The following TCIRG1 variants were observed in gnomAD, a reference collection of about 807,000 sequenced individuals.
TCIRG1 encodes the protein V-type proton ATPase 116 kDa subunit a 3.
Under a neutral mutation model 95.5 loss-of-function variants are expected in TCIRG1, and 86 were observed. That is an observed-to-expected ratio of 0.90 (90% confidence interval 0.76 to 1.08). The LOEUF (loss-of-function observed/expected upper bound fraction) is 1.08. TCIRG1 is among the 50% of genes least tolerant of loss of function. The pLI, the probability that TCIRG1 is intolerant of heterozygous loss-of-function variation, is 0.00. For synonymous variants in TCIRG1, 499 were observed against 501.3 expected (o/e 1.00, Z 0.06); for missense variants, 1,069 against 1,140.2 (o/e 0.94, Z 0.90).
At position 68,042,862 on chromosome 11, in the gene TCIRG1, A is replaced by G. The variant is rs1855241423; in HGVS notation, c.416A>G (p.Gln139Arg). 2 of 1,549,640 alleles carry G rather than the reference A, an allele frequency of 1.3e-6. No individual in the cohort carries two copies. Among genetic ancestry groups the G allele is most frequent in the Non-Finnish European group, 8.7e-7 (1 of 1,146,508 alleles). Residue 139 changes from glutamine (Q) to arginine (R), a missense_variant and splice_region_variant, in exon 4 of 20, where the codon CAG (glutamine) becomes CGG (arginine). Physicochemically the swap from Gln to Arg is conservative, Grantham distance 43 (BLOSUM62 1). Coordinates refer to ENST00000265686, the MANE Select transcript of TCIRG1 (RefSeq NM_006019.4). ...AAVLRQGHEPQLAAAHTDGAS... is the reference protein window; with the variant it reads ...AAVLRQGHEPRLAAAHTDGAS... ...GTGCTACGCCAGGGCCATGAACCTC[A>G]GGTCAGCTCCCACCCAGGCAGGAGA...
intron 10 of TCIRG1, among the ~76,000 whole-genome samples, chr11:68,045,888 G>A (rs551955501): frequency 2.6e-5 from 4 of 152,244 alleles, no homozygotes; most frequent in South Asian, 2.1e-4. Flanking sequence ...GTCCCCTCCC[G>A]ACATGGGCTC....
rs1439022240 is a variant in TCIRG1 at position 68,044,390 on chromosome 11, C to T, written c.1020+46C>T. The T allele has an allele frequency of 2.0e-6, 3 of 1,464,524 alleles. No homozygotes were observed. In the East Asian group the frequency reaches 7.3e-5, roughly 36 times the overall value. 90.7% of individuals were successfully genotyped at this position (1,464,524 alleles called of 1,614,324 possible). On this transcript the variant is annotated intron_variant, in intron 9 of 19. Transcript: ENST00000265686. ...CCCCCTCTCCGCCCGCCCCTCCTAC[C>T]AGGCCGGGGCGTTTCTGCCTCACTT...
chr11:68,052,641 G>A (rs912255702), downstream of TCIRG1, among the ~76,000 whole-genome samples: 7 of 152,308 alleles, frequency 4.6e-5, no homozygotes, highest in Non-Finnish European at 7.4e-5. Flanking sequence ...TCGCTTCTGG[G>A]CTAGAAGCAG....
At position 68,050,785 on chromosome 11, in the gene TCIRG1, T is replaced by C. The variant is rs746896827; in HGVS notation, c.2459T>C (p.Leu820Pro). ...NKFYSGTGYK[L>P]SPFTFAATDD Reference sequence around the variant, plus strand: ...TTCTACTCAGGCACGGGCTACAAGCTGAGTCCCTTCACCTTCGCTGCCACA... The same window carrying C: ...TTCTACTCAGGCACGGGCTACAAGCCGAGTCCCTTCACCTTCGCTGCCACA... The change falls in exon 20 of 20, where the codon CTG (leucine) becomes CCG (proline). Residue 820 changes from leucine (L) to proline (P), a missense_variant. Leu to Pro is a moderately conservative substitution (Grantham distance 98, BLOSUM62 -3). Coordinates refer to ENST00000265686, the MANE Select transcript of TCIRG1 (RefSeq NM_006019.4). 4 of 1,613,878 alleles carry C rather than the reference T, an allele frequency of 2.5e-6. No homozygotes were observed. Among genetic ancestry groups the C allele is most frequent in the Non-Finnish European group, 3.4e-6 (4 of 1,180,026 alleles).
chr11:68,043,759 C>CA, intron 7 of TCIRG1, 55 bp from the exon 8 acceptor site: 1 of 1,542,774 alleles, frequency 6.5e-7, no homozygotes, highest in East Asian at 2.4e-5. Flanking sequence ...CCTTCAGACT[C>CA]AGAGTCTCGT....
At chr11:68,047,832 G>C (rs1855584664) in intron 12 of TCIRG1, 28 bp downstream of exon 12, 1 of 1,612,346 alleles carries the variant, frequency 6.2e-7, no homozygotes, top group Admixed American at 1.7e-5. Flanking sequence ...GCCCGGCTGG[G>C]GGCCCCGCAG....
chr11:68,050,379 G>A, intron 18 of TCIRG1, 108 bp from the exon 19 acceptor site: 1 of 1,605,638 alleles, frequency 6.2e-7, no homozygotes, highest in Non-Finnish European at 8.5e-7. Flanking sequence ...GTCCAAGGAG[G>A]TCCCTCGCTG....
intron 9 of TCIRG1, 175 bp from the exon 10 acceptor site, chr11:68,044,783 C>T: frequency 1.3e-6 from 1 of 789,668 alleles, no homozygotes; most frequent in South Asian, 1.7e-5. Flanking sequence ...CATGTGGTGT[C>T]TTTGGGCCCC....
chr11:68,043,524 G>A (rs776474191), intron 6 of TCIRG1, 27 bp downstream of exon 6: 1 of 1,584,988 alleles, frequency 6.3e-7, no homozygotes, highest in Non-Finnish European at 8.6e-7. Context: ...GGGCTGGGGG[G>A]TCCTGGGCAG....
Position 68,050,847 on chromosome 11 carries a change from CTTCCTGACCTCT to C in TCIRG1, c.*29_*40del. On this transcript the variant is annotated 3_prime_UTR_variant, in exon 20 of 20. Coordinates refer to ENST00000265686, the MANE Select transcript of TCIRG1 (RefSeq NM_006019.4). ...CCCACTGCAGGTCCTGCCAGACCTC[CTTCCTGACCTCT>C]GAGGCAGGAGAGGAATAAAGACGGT... The C allele has an allele frequency of 6.2e-7, 1 of 1,608,910 alleles. No individual in the cohort carries two copies. Among genetic ancestry groups the C allele is most frequent in the South Asian group, 1.1e-5 (1 of 91,020 alleles).
downstream of TCIRG1, among the ~76,000 whole-genome samples, chr11:68,051,297 C>T (rs148786937): frequency 8.4e-3 from 1,285 of 152,296 alleles, 8 homozygotes; most frequent in Non-Finnish European, 0.014. Context: ...TGGTGTCACA[C>T]GCCCAAGGCC....
intron 12 of TCIRG1, 35 bp downstream of exon 12, chr11:68,047,839 G>A (rs762991349): frequency 2.0e-5 from 32 of 1,612,516 alleles, no homozygotes; most frequent in African/African-American, 1.9e-4. Flanking sequence ...TGGGGGCCCC[G>A]CAGCACCCGC....
chr11:68,047,713 G>A lies in TCIRG1; in HGVS notation c.1372G>A (p.Gly458Ser), dbSNP rs200851583. 6 of 1,613,416 alleles carry A rather than the reference G, an allele frequency of 3.7e-6. No individual in the cohort carries two copies. Among genetic ancestry groups the A allele is most frequent in the African/African-American group, 1.3e-5 (1 of 75,032 alleles). The stretch of plus-strand genomic sequence containing the variant: ...TATGGGCCTGTTCTCCATCTACACC[G>A]GCTTCATCTACAACGAGTGCTTCAG... ...LLMGLFSIYT[G>S]FIYNECFSRA... Residue 458 changes from glycine (G) to serine (S), a missense_variant, in exon 12 of 20, where the codon GGC becomes AGC. Gly to Ser is a moderately conservative substitution (Grantham distance 56). Coordinates refer to ENST00000265686, the MANE Select transcript of TCIRG1 (RefSeq NM_006019.4).
intron 1 of TCIRG1, among the ~76,000 whole-genome samples, chr11:68,040,649 G>A (rs79557925): frequency 0.18 from 27,649 of 152,164 alleles, 2,705 homozygotes; most frequent in African/African-American, 0.24. Context: ...ACCCCACATC[G>A]GCCTTGAGCA....
intron 1 of TCIRG1, among the ~76,000 whole-genome samples, chr11:68,040,398 C>T (rs548175503): frequency 6.6e-6 from 1 of 152,368 alleles, no homozygotes; most frequent in East Asian, 1.9e-4. Context: ...CCCTCCTTCT[C>T]TCCTTTCCCA....
At position 68,043,915 on chromosome 11, in the gene TCIRG1, C is replaced by T. The variant is rs1237816629; in HGVS notation, c.807+8C>T. On this transcript the variant is annotated splice_region_variant and intron_variant, in intron 8 of 19. Transcript: ENST00000265686. ...AGCCAGGAGCTGCAGGAGGTGGGTG[C>T]CCCCGGCCTTCCGGAGGCGGGTGTA... 3 of 1,542,338 alleles carry T rather than the reference C, an allele frequency of 1.9e-6. No homozygotes were observed. The highest frequency in any genetic ancestry group is 2.6e-6 in the Non-Finnish European group (3 of 1,143,740).
intron 13 of TCIRG1, among the ~76,000 whole-genome samples, chr11:68,048,549 C>T (rs1378522858): frequency 6.6e-6 from 1 of 152,250 alleles, no homozygotes; most frequent in Non-Finnish European, 1.5e-5. Context: ...CTGCTTCAGC[C>T]TCTCGAAGTG....
rs1855356909 is a variant in TCIRG1 at position 68,044,345 on chromosome 11, G to C, written c.1020+1G>C. 1 of 1,576,112 alleles carries C rather than the reference G, an allele frequency of 6.3e-7. No homozygotes were observed. The highest frequency in any genetic ancestry group is 1.2e-5 in the South Asian group (1 of 86,800). ...GCAGGAGGCCCTGCGGGACAGCTCG[G>C]TGAGCAGCCTGAGGCCTCGCCCCCT... On this transcript the variant is annotated splice_donor_variant, in intron 9 of 19. Coordinates refer to ENST00000265686, the MANE Select transcript of TCIRG1 (RefSeq NM_006019.4). LOFTEE classifies it high-confidence loss of function.
chr11:68,050,327 G>C, intron 18 of TCIRG1, 73 bp downstream of exon 18: 1 of 1,597,938 alleles, frequency 6.3e-7, no homozygotes, highest in Non-Finnish European at 8.5e-7. Flanking sequence ...TGGGCGGGTT[G>C]CTTCTCTCTG....
Sources: allele counts gnomAD v4.1 joint callset (sites outside exome capture counted in the v4.1 genomes callset), GRCh38; gene constraint gnomAD v4.1.1; transcripts MANE v1.5; gene names NCBI Gene and HGNC (gene_info 2026-07-23, HGNC 2026-07-21).